Variants in ASAP1 observed in about 807,000 individuals in gnomAD.
ASAP1 encodes the protein arf-GAP with SH3 domain, ANK repeat and PH domain-containing protein 1.
A neutral mutation model predicts 145.2 loss-of-function variants in ASAP1; 43 were observed. The ratio of observed to expected loss-of-function variants is 0.30; its 90% CI spans 0.23 to 0.38. The LOEUF is 0.38. Among genes scored for constraint, ASAP1 ranks in the 10% least tolerant of loss-of-function variants. The pLI, the probability that ASAP1 is intolerant of heterozygous loss-of-function variation, is 1.00. For synonymous variants in ASAP1, 546 were observed against 515.5 expected (o/e 1.06, Z -0.80); for missense variants, 1,018 against 1,355.3 (o/e 0.75, Z 3.91).
intron 5 of ASAP1, among the ~76,000 whole-genome samples, chr8:130,201,453 C>T (rs1007509947): frequency 6.6e-6 from 1 of 152,086 alleles, no homozygotes; most frequent in Non-Finnish European, 1.5e-5. Flanking sequence ...ATGAGAATTC[C>T]TTAACTTAAA....
intron 17 of ASAP1, among the ~76,000 whole-genome samples, chr8:130,125,276 G>T (rs945953879): frequency 1.3e-5 from 2 of 152,042 alleles, no homozygotes; most frequent in Non-Finnish European, 2.9e-5. Context: ...CTACTTGGGG[G>T]ATGCCAAGTA....
At position 130,358,774 on chromosome 8, in the gene ASAP1, G is replaced by GC. The variant is rs1214247924; in HGVS notation, c.60-632dup. Among the ~76,000 whole-genome samples, 1 of 137,048 alleles carries GC rather than the reference G, an allele frequency of 7.3e-6. No individual in the cohort carries two copies. Among genetic ancestry groups the GC allele is most frequent in the Non-Finnish European group, 1.6e-5 (1 of 64,112 alleles). The allele number at this position is 137,048 out of a possible 152,430, so 89.9% of individuals were successfully genotyped here. ...CCCGCCCCGCCCCCGCTCGCGCACA[G>GC]CCCCTGGGGCCTGGCTCCGAAGCTG... On this transcript the variant is annotated intron_variant, in intron 2 of 29. Coordinates refer to ENST00000518721, the MANE Select transcript of ASAP1 (RefSeq NM_018482.4). This position sits in a 1 kb window ranked among gnomAD's most constrained non-coding sequence, Gnocchi z 4.1.
At chr8:130,167,696 C>G in intron 10 of ASAP1, 74 bp from the exon 11 acceptor site, 1 of 1,072,618 alleles carries the variant, frequency 9.3e-7, no homozygotes, top group Non-Finnish European at 1.4e-6. Context: ...TCCAAAAATA[C>G]CACTCATCAA....
At chr8:130,116,253 A>C (rs2097555720) in intron 22 of ASAP1, among the ~76,000 whole-genome samples, 2 of 152,370 alleles carry the variant, frequency 1.3e-5, no homozygotes, top group South Asian at 4.1e-4. Flanking sequence ...GGGTCAAAAA[A>C]GGTGAATGTG....
intron 28 of ASAP1, 48 bp downstream of exon 28, chr8:130,060,531 C>CA: frequency 6.5e-7 from 1 of 1,531,476 alleles, no homozygotes; most frequent in South Asian, 1.3e-5. Flanking sequence ...CACCAACTTG[C>CA]AAAGTGCGGA....
At chr8:130,252,693 AGTT>A (rs1341095821) in intron 3 of ASAP1, among the ~76,000 whole-genome samples, 3 of 152,164 alleles carry the variant, frequency 2.0e-5, no homozygotes, top group African/African-American at 7.2e-5. Context: ...TAAAGTTCGG[AGTT>A]AGCACACCCA....
At chr8:130,290,271 C>T (rs866444171) in intron 3 of ASAP1, among the ~76,000 whole-genome samples, 6 of 152,174 alleles carry the variant, frequency 3.9e-5, no homozygotes, top group Admixed American at 2.6e-4. Context: ...TGTGCTACTC[C>T]GCCTCCTCAC....
chr8:130,443,363 C>A (rs1353043319), intron 1 of ASAP1, 97 bp downstream of exon 1: 1 of 151,544 alleles, frequency 6.6e-6, no homozygotes. Flanking sequence ...CCCGTCCCGG[C>A]GCCCTTCTTC....
intron 24 of ASAP1, among the ~76,000 whole-genome samples, chr8:130,106,788 C>G (rs927004047): frequency 6.6e-6 from 1 of 152,222 alleles, no homozygotes; most frequent in Non-Finnish European, 1.5e-5. Context: ...CTTCCCTAAT[C>G]CTCTCTCTGA....
intron 3 of ASAP1, among the ~76,000 whole-genome samples, chr8:130,316,435 C>G (rs1394833079): frequency 6.6e-6 from 1 of 152,210 alleles, no homozygotes; most frequent in Non-Finnish European, 1.5e-5. Flanking sequence ...CATCCATTCT[C>G]CCCATCTCCT....
intron 10 of ASAP1, 143 bp from the exon 11 acceptor site, chr8:130,167,765 TATG>T (rs1356611357): frequency 3.3e-5 from 20 of 614,722 alleles, no homozygotes; most frequent in African/African-American, 9.2e-5. Flanking sequence ...TCATTTTTGA[TATG>T]ATATTTCTCA....
Position 130,054,648 on chromosome 8 carries a change from C to A in ASAP1, c.*83G>T. The A allele has an allele frequency of 8.5e-7, 1 of 1,178,228 alleles. No individual in the cohort carries two copies. The highest frequency in any genetic ancestry group is 1.2e-5 in the South Asian group (1 of 81,752). 73.0% of individuals were successfully genotyped at this position (1,178,228 alleles called of 1,614,324 possible). A position where few individuals can be genotyped will look rare whatever the true frequency, so the allele number is the denominator to read the frequency against. On this transcript the variant is annotated 3_prime_UTR_variant, in exon 30 of 30. Transcript: ENST00000518721. ...TGAGTTTCTTACTCTGTAACAGCAG[C>A]TATATACACACTGTGCCCAGGGTTA...
At chr8:130,303,638 G>A (rs191926368) in intron 3 of ASAP1, among the ~76,000 whole-genome samples, 131 of 152,150 alleles carry the variant, frequency 8.6e-4, no homozygotes, top group African/African-American at 2.9e-3. Flanking sequence ...CCTTAAATGC[G>A]TACTGCTAAG....
intron 2 of ASAP1, among the ~76,000 whole-genome samples, chr8:130,378,435 TGGCAAAGGATGGTCCA>T (rs1336630293): frequency 6.6e-6 from 1 of 152,220 alleles, no homozygotes; most frequent in Non-Finnish European, 1.5e-5. Flanking sequence ...GCAGGATGGC[TGGCAAAGGATGGTCCA>T]GGCACGAGTA....
At chr8:130,187,068 C>A (rs143941991) in intron 7 of ASAP1, among the ~76,000 whole-genome samples, 168 bp downstream of exon 7, 1 of 152,298 alleles carries the variant, frequency 6.6e-6, no homozygotes, top group Non-Finnish European at 1.5e-5. Flanking sequence ...TGTACCCAAC[C>A]TCTTAGCCCT....
chr8:130,305,653 C>A (rs536650817), intron 3 of ASAP1, among the ~76,000 whole-genome samples: 25 of 152,284 alleles, frequency 1.6e-4, no homozygotes, highest in African/African-American at 5.3e-4. Flanking sequence ...AGATTACAGG[C>A]ATGAGCTACC....
chr8:130,235,472 A>G (rs1818159807), intron 4 of ASAP1, among the ~76,000 whole-genome samples: 1 of 152,090 alleles, frequency 6.6e-6, no homozygotes, highest in Admixed American at 6.6e-5. Flanking sequence ...CTAGTTATTT[A>G]TTTCACTCAC....
chr8:130,255,329 C>T (rs752802551), intron 3 of ASAP1, among the ~76,000 whole-genome samples: 14 of 152,272 alleles, frequency 9.2e-5, no homozygotes, highest in East Asian at 1.9e-4. Flanking sequence ...CACTCTAAAA[C>T]GCTATTTTCT....
intron 26 of ASAP1, among the ~76,000 whole-genome samples, chr8:130,079,351 C>T (rs930679654): frequency 5.3e-5 from 8 of 151,668 alleles, no homozygotes; most frequent in Non-Finnish European, 8.8e-5. Flanking sequence ...AAAAACTGCC[C>T]GTAAGAGATC....
Sources: allele counts gnomAD v4.1 joint callset (sites outside exome capture counted in the v4.1 genomes callset), GRCh38; gene constraint gnomAD v4.1.1; non-coding constraint Gnocchi (gnomAD v3.1); transcripts MANE v1.5; gene names NCBI Gene and HGNC (gene_info 2026-07-23, HGNC 2026-07-21).